SKAP2: variants seen among roughly 807,000 people sequenced by gnomAD.
The protein encoded by SKAP2 is src kinase-associated phosphoprotein 2.
In SKAP2, 28 loss-of-function variants were observed where a neutral mutation model predicts 54.9. The observed-to-expected ratio is 0.51, with a 90% confidence interval of 0.38 to 0.70. The LOEUF (loss-of-function observed/expected upper bound fraction) is 0.70. SKAP2 is among the 30% of genes least tolerant of loss of function. SKAP2 has a pLI of 0.00. For synonymous variants in SKAP2, 137 were observed against 134.3 expected (o/e 1.02, Z -0.14); for missense variants, 356 against 424.1 (o/e 0.84, Z 1.41).
chr7:26,838,084 A>G (rs1784751072), intron 4 of SKAP2, among the ~76,000 whole-genome samples: 1 of 152,166 alleles, frequency 6.6e-6, no homozygotes. Flanking sequence ...TAAGTAATGT[A>G]GCAAAGCATT....
In SKAP2 at chr7:26,744,424, A is replaced by G. The variant is rs913207504; in HGVS notation, c.308-4460T>C. Among the ~76,000 whole-genome samples the G allele has an allele frequency of 4.6e-5, 7 of 152,006 alleles. No individual in the cohort carries two copies. The East Asian group carries it at 9.7e-4, about 21-fold the overall frequency. On this transcript the variant is annotated intron_variant, in intron 4 of 12. Transcript: ENST00000345317. ...CATTACTGTATTTAGGACAAAGAAA[A>G]GTAGAAAAATGTGTCTAGATCACAG...
intron 4 of SKAP2, among the ~76,000 whole-genome samples, chr7:26,837,152 A>C (rs993568239): frequency 2.0e-5 from 3 of 152,066 alleles, no homozygotes; most frequent in Admixed American, 6.6e-5. Flanking sequence ...ACATGGACGC[A>C]GGGAGGGGAA....
At chr7:26,738,652 T>A (rs1782363024) in intron 6 of SKAP2, 143 bp downstream of exon 6, 1 of 562,860 alleles carries the variant, frequency 1.8e-6, no homozygotes. Context: ...ATGAAATGAA[T>A]CATAAATTAG....
intron 4 of SKAP2, among the ~76,000 whole-genome samples, chr7:26,822,562 C>A (rs534612126): frequency 6.6e-6 from 1 of 152,168 alleles, no homozygotes; most frequent in African/African-American, 2.4e-5. Context: ...CATAACAACA[C>A]TGAAATTAAG....
At chr7:26,852,353 T>C (rs1389674925) in intron 3 of SKAP2, among the ~76,000 whole-genome samples, 1 of 152,204 alleles carries the variant, frequency 6.6e-6, no homozygotes, top group African/African-American at 2.4e-5. Flanking sequence ...AATAGTCTTT[T>C]TAGAACAAAG....
intron 7 of SKAP2, among the ~76,000 whole-genome samples, chr7:26,726,253 T>A (rs113765839): frequency 0.012 from 1,788 of 152,238 alleles, 34 homozygotes; most frequent in African/African-American, 0.04. Flanking sequence ...AAGACAGAAC[T>A]GATGAACAAA....
intron 6 of SKAP2, among the ~76,000 whole-genome samples, chr7:26,736,864 C>A (rs1424194209): frequency 6.6e-6 from 1 of 151,506 alleles, no homozygotes; most frequent in Non-Finnish European, 1.5e-5. Context: ...CACTGCACTC[C>A]AGCTTGGGTG....
In SKAP2 at chr7:26,864,354, G is replaced by T. The variant is rs752791970; in HGVS notation, c.67+9C>A. 1.9e-6 allele frequency: 3 copies of T among 1,613,470 alleles called. No individual in the cohort carries two copies. The African/African-American group carries it at 4.0e-5, about 22-fold the overall frequency. ...CCGACAGCATTATCGCCGCCTTCCC[G>T]CTCTTTACCTGCCAACAGGTTCCTA... On this transcript the variant is annotated intron_variant, in intron 1 of 12. Transcript: ENST00000345317.
intron 4 of SKAP2, among the ~76,000 whole-genome samples, chr7:26,815,079 A>T (rs1784238542): frequency 6.7e-6 from 1 of 148,412 alleles, no homozygotes; most frequent in African/African-American, 2.4e-5. Flanking sequence ...TATCTACAAA[A>T]TAAAACACAA....
At chr7:26,796,364 G>A (rs1322061333) in intron 4 of SKAP2, among the ~76,000 whole-genome samples, 2 of 152,188 alleles carry the variant, frequency 1.3e-5, no homozygotes, top group African/African-American at 2.4e-5. Context: ...ATCTCCATGT[G>A]AGTAGTTCAC....
Position 26,861,615 on chromosome 7 carries a change from CTT to C in SKAP2, c.67+2746_67+2747del, listed in dbSNP as rs34331819. On this transcript the variant is annotated intron_variant, in intron 1 of 12. Coordinates refer to ENST00000345317, the MANE Select transcript of SKAP2 (RefSeq NM_003930.5). ...ACATGTGAGTTAACAATAACAACCT[CTT>C]TTTTTTTTTTTTTTTTTTTTTACAT... 5.6e-3 allele frequency among the ~76,000 whole-genome samples: 650 copies of C among 116,114 alleles called. 3 individuals are homozygous for C. The highest frequency in any genetic ancestry group is 0.011 in the Admixed American group (127 of 11,282). The allele number at this position is 116,114 out of a possible 152,430, so 76.2% of individuals were successfully genotyped here.
At chr7:26,684,463 T>C (rs1327296291) in intron 11 of SKAP2, among the ~76,000 whole-genome samples, 1 of 152,232 alleles carries the variant, frequency 6.6e-6, no homozygotes, top group African/African-American at 2.4e-5. Flanking sequence ...CACATAAGTA[T>C]ATTGTTTCTG....
At chr7:26,786,479 C>G (rs1783547096) in intron 4 of SKAP2, among the ~76,000 whole-genome samples, 2 of 152,158 alleles carry the variant, frequency 1.3e-5, no homozygotes, top group African/African-American at 4.8e-5. Flanking sequence ...GGGATGACCT[C>G]TCTGAAGAGG....
chr7:26,741,514 G>T (rs1420636588), intron 4 of SKAP2, among the ~76,000 whole-genome samples: 1 of 149,426 alleles, frequency 6.7e-6, no homozygotes, highest in Non-Finnish European at 1.5e-5. Context: ...GCTCCAGCCT[G>T]GGTAATAGAG....
chr7:26,777,003 T>C (rs1266596530), intron 4 of SKAP2, among the ~76,000 whole-genome samples: 1 of 152,118 alleles, frequency 6.6e-6, no homozygotes, highest in Admixed American at 6.6e-5. Flanking sequence ...GGTCTCCAAA[T>C]GAGGAATCTG....
intron 4 of SKAP2, among the ~76,000 whole-genome samples, chr7:26,826,141 A>ACACACACACG (rs1491302189): frequency 6.8e-6 from 1 of 147,250 alleles, no homozygotes; most frequent in African/African-American, 2.5e-5. Flanking sequence ...ACACACACAC[A>ACACACACACG]CGCCACAGTG....
chr7:26,759,505 T>C (rs1260030079), intron 4 of SKAP2, among the ~76,000 whole-genome samples: 2 of 152,146 alleles, frequency 1.3e-5, no homozygotes, highest in South Asian at 2.1e-4. Flanking sequence ...ATGCTAGCTA[T>C]GGCAGATTAA....
chr7:26,712,509 C>A (rs1180290817), intron 9 of SKAP2, among the ~76,000 whole-genome samples: 1 of 152,118 alleles, frequency 6.6e-6, no homozygotes, highest in African/African-American at 2.4e-5. Flanking sequence ...TGTTGAGAGA[C>A]AGTACAGTTA....
intron 9 of SKAP2, among the ~76,000 whole-genome samples, chr7:26,710,243 A>G (rs191792655): frequency 5.9e-5 from 9 of 152,362 alleles, no homozygotes. Context: ...GTTTGCAAAT[A>G]TAATAAAGCT....
Sources: allele counts gnomAD v4.1 joint callset (sites outside exome capture counted in the v4.1 genomes callset), GRCh38; gene constraint gnomAD v4.1.1; transcripts MANE v1.5; gene names NCBI Gene and HGNC (gene_info 2026-07-23, HGNC 2026-07-21).